Variants in ANKRD31 observed in about 807,000 individuals in gnomAD.
The protein encoded by ANKRD31 is ankyrin repeat domain-containing protein 31.
Under a neutral mutation model 186.0 loss-of-function variants are expected in ANKRD31, and 147 were observed. The observed-to-expected ratio is 0.79, with a 90% CI of 0.69 to 0.91. The LOEUF (loss-of-function observed/expected upper bound fraction) is 0.91, where lower values mean the gene tolerates loss of function less well. Among genes scored for constraint, ANKRD31 ranks in the 40% least tolerant of loss-of-function variants. ANKRD31 has a pLI of 0.00. For synonymous variants in ANKRD31, 673 were observed against 736.4 expected, an observed-to-expected ratio of 0.91 and a Z score of 1.39; for missense variants, 1,986 against 2,148.8, an observed-to-expected ratio of 0.92 and a Z score of 1.50.
intron 22 of ANKRD31, among the ~76,000 whole-genome samples, chr5:75,101,834 T>A (rs1460178530): frequency 3.3e-5 from 5 of 152,224 alleles, no homozygotes; most frequent in Non-Finnish European, 5.9e-5. Context: ...TGTCTAATCT[T>A]CTTTCAAGGT....
chr5:75,099,816 CT>C (rs1382306304), intron 22 of ANKRD31, among the ~76,000 whole-genome samples: 1 of 152,018 alleles, frequency 6.6e-6, no homozygotes, highest in Non-Finnish European at 1.5e-5. Context: ...TTTGACTCTT[CT>C]TTTTTATCAG....
intron 11 of ANKRD31, among the ~76,000 whole-genome samples, chr5:75,163,446 A>G (rs1752708522): frequency 6.6e-6 from 1 of 152,196 alleles, no homozygotes. Flanking sequence ...TGCATGAAGG[A>G]ATCTGGGCAT....
At position 75,068,491 on chromosome 5, in the gene ANKRD31, T is replaced by C. The variant is rs1005382912; in HGVS notation, c.*28A>G. On this transcript the variant is annotated 3_prime_UTR_variant, in exon 26 of 26. Coordinates refer to ENST00000506364, the MANE Select transcript of ANKRD31 (RefSeq NM_001372053.1). ...TGTTTGTTGGTAATTTGAACAAATATCCAATAAAATATTAAGAAACCAAGG... is the reference window on the plus strand; with the variant it reads ...TGTTTGTTGGTAATTTGAACAAATACCCAATAAAATATTAAGAAACCAAGG... 6.9e-7 allele frequency: 1 copy of C among 1,445,002 alleles called. No individual in the cohort carries two copies. Among genetic ancestry groups the C allele is most frequent in the Non-Finnish European group, 9.1e-7 (1 of 1,104,086 alleles). The allele number at this position is 1,445,002 out of a possible 1,614,324, so 89.5% of individuals were successfully genotyped here. A position where few individuals can be genotyped will look rare whatever the true frequency, so the allele number is the denominator to read the frequency against.
chr5:75,227,139 T>C (rs1757682512), intron 2 of ANKRD31, among the ~76,000 whole-genome samples: 2 of 152,300 alleles, frequency 1.3e-5, no homozygotes, highest in African/African-American at 4.8e-5. Flanking sequence ...GCAACATGGA[T>C]GGAACTGCAG....
At chr5:75,218,332 T>C (rs1419785411) in intron 3 of ANKRD31, among the ~76,000 whole-genome samples, 2 of 152,000 alleles carry the variant, frequency 1.3e-5, no homozygotes, top group Non-Finnish European at 2.9e-5. Context: ...TGCACATAAA[T>C]CTAAAATTCC....
chr5:75,096,595 G>A (rs1038915760), intron 22 of ANKRD31, among the ~76,000 whole-genome samples: 2 of 152,076 alleles, frequency 1.3e-5, no homozygotes, highest in African/African-American at 4.8e-5. Context: ...CTGTGCCTAT[G>A]CCCCAAGTGG....
intron 14 of ANKRD31, among the ~76,000 whole-genome samples, chr5:75,145,561 T>C (rs1447362305): frequency 2.0e-5 from 3 of 151,714 alleles, no homozygotes; most frequent in African/African-American, 4.8e-5. Context: ...GAGGGGAACA[T>C]CACACACCAG....
At chr5:75,080,748 T>C (rs985731792) in intron 24 of ANKRD31, 109 bp from the exon 25 acceptor site, 5 of 563,214 alleles carry the variant, frequency 8.9e-6, no homozygotes, top group Non-Finnish European at 1.5e-5. Context: ...TAGCTCTTCC[T>C]TGACATTTTA....
chr5:75,146,191 T>C lies in ANKRD31; in HGVS notation c.3220A>G (p.Ile1074Val), dbSNP rs1271642463. ...GATAAAGGCTCATTTGAATAAATTA[T>C]TTTTTGGTCTCTGTCAATGTAATTC... ...ERNYIDRDQK[I>V]IYSNEPLSIV... Residue 1074 changes from isoleucine (I) to valine (V), a missense_variant, in exon 14 of 26, where the codon ATA (isoleucine) becomes GTA (valine). Transcript: ENST00000506364. The C allele has an allele frequency of 1.3e-6, 2 of 1,535,476 alleles. No homozygotes were observed. The highest frequency in any genetic ancestry group is 2.4e-5 in the East Asian group (1 of 40,888).
intron 17 of ANKRD31, among the ~76,000 whole-genome samples, chr5:75,135,071 G>C (rs576853003): frequency 6.6e-6 from 1 of 152,134 alleles, no homozygotes; most frequent in South Asian, 2.1e-4. Flanking sequence ...TACTGAATGG[G>C]CAAAAACTGG....
chr5:75,076,289 C>T (rs1744643130), intron 25 of ANKRD31, among the ~76,000 whole-genome samples: 1 of 152,184 alleles, frequency 6.6e-6, no homozygotes, highest in Admixed American at 6.5e-5. Flanking sequence ...CTGGGTTGCC[C>T]ACAATTCTAT....
At chr5:75,068,775 C>A in intron 25 of ANKRD31, 111 bp from the exon 26 acceptor site, 1 of 1,129,472 alleles carries the variant, frequency 8.9e-7, no homozygotes, top group East Asian at 2.9e-5. Flanking sequence ...GCACACATAA[C>A]AGGTTTTCTG....
intron 25 of ANKRD31, among the ~76,000 whole-genome samples, chr5:75,079,422 T>A (rs1354662032): frequency 1.3e-5 from 2 of 152,142 alleles, no homozygotes; most frequent in East Asian, 3.9e-4. Context: ...GAGGGAGAAT[T>A]CGCTTTTAAA....
intron 25 of ANKRD31, among the ~76,000 whole-genome samples, chr5:75,073,849 A>T (rs549001459): frequency 6.6e-6 from 1 of 152,230 alleles, no homozygotes; most frequent in South Asian, 2.1e-4. Context: ...TTTTAGGCCC[A>T]CCTCCTCTTT....
intron 4 of ANKRD31, among the ~76,000 whole-genome samples, chr5:75,209,378 C>T (rs541040911): frequency 6.6e-6 from 1 of 152,178 alleles, no homozygotes; most frequent in African/African-American, 2.4e-5. Flanking sequence ...AGGTGTTTTA[C>T]TCAAGATAAA....
At chr5:75,197,413 G>T (rs2150254460) in intron 6 of ANKRD31, among the ~76,000 whole-genome samples, 1 of 152,232 alleles carries the variant, frequency 6.6e-6, no homozygotes, top group African/African-American at 2.4e-5. Context: ...CCTTTGACAG[G>T]ATGTGCTGTA....
chr5:75,068,515 G>T lies in ANKRD31; in HGVS notation c.*4C>A. ...ATCCAATAAAATATTAAGAAACCAA[G>T]GTTTTAGGGTGTTAGTTCCTCACAT... On this transcript the variant is annotated 3_prime_UTR_variant, in exon 26 of 26. Transcript: ENST00000506364. 1 of 1,463,956 alleles carries T rather than the reference G, an allele frequency of 6.8e-7. No individual in the cohort carries two copies. The highest frequency in any genetic ancestry group is 2.6e-5 in the East Asian group (1 of 39,068). The allele number at this position is 1,463,956 out of a possible 1,614,324, so 90.7% of individuals were successfully genotyped here. A position where few individuals can be genotyped will look rare whatever the true frequency, so the allele number is the denominator to read the frequency against.
chr5:75,166,812 A>G (rs1752956668), intron 11 of ANKRD31, among the ~76,000 whole-genome samples: 1 of 152,192 alleles, frequency 6.6e-6, no homozygotes. Flanking sequence ...CCAACCATAT[A>G]TTTAATAACT....
In ANKRD31 at chr5:75,082,221, T is replaced by A. The variant is rs565544742; in HGVS notation, c.5576-1582A>T. On this transcript the variant is annotated intron_variant, in intron 24 of 25. Coordinates refer to ENST00000506364, the MANE Select transcript of ANKRD31 (RefSeq NM_001372053.1). The stretch of plus-strand genomic sequence containing the variant: ...AGCCAGTTTTTATGACAGAGGAGGA[T>A]CCTGAGAAATTAGGGTGCAAAAGTT... Among the ~76,000 whole-genome samples, 11 of 152,240 alleles carry A rather than the reference T, an allele frequency of 7.2e-5. No homozygotes were observed. The East Asian group carries it at 1.9e-3, about 27-fold the overall frequency.
Sources: gnomAD v4.1 joint callset for allele counts (sites outside exome capture counted in the v4.1 genomes callset) on GRCh38, gnomAD v4.1.1 for gene constraint, MANE v1.5 for transcripts, NCBI Gene and HGNC (gene_info 2026-07-23, HGNC 2026-07-21) for gene names.